The following EPC2 variants were observed in gnomAD, a reference collection of about 807,000 sequenced individuals.
EPC2 encodes enhancer of polycomb 2, also known as enhancer of polycomb homolog 2.
In EPC2, 14 loss-of-function variants were observed where a neutral mutation model predicts 92.1. The ratio of observed to expected loss-of-function variants is 0.15; its 90% CI spans 0.10 to 0.24. The LOEUF (loss-of-function observed/expected upper bound fraction) is 0.24, where lower values mean the gene tolerates loss of function less well. EPC2 is among the 10% of genes least tolerant of loss of function. The pLI is 1.00. For missense variants in EPC2, 755 were observed against 971.5 expected (o/e 0.78, Z 2.96); for synonymous variants, 340 against 334.7 (o/e 1.02, Z -0.17).
chr2:148,652,252 AAAG>A (rs1270418420), intron 1 of EPC2, among the ~76,000 whole-genome samples: 1 of 152,208 alleles, frequency 6.6e-6, no homozygotes, highest in Non-Finnish European at 1.5e-5. Context: ...AGCATGATCA[AAAG>A]TTAGGAAGTT....
At chr2:148,670,607 A>AT (rs1266503769) in intron 1 of EPC2, among the ~76,000 whole-genome samples, 1 of 151,638 alleles carries the variant, frequency 6.6e-6, no homozygotes, top group East Asian at 1.9e-4. Context: ...TTAATTTTTT[A>AT]TTTTTTGAGC....
At chr2:148,675,928 C>T (rs1170060898) in intron 1 of EPC2, among the ~76,000 whole-genome samples, 1 of 152,092 alleles carries the variant, frequency 6.6e-6, no homozygotes, top group Non-Finnish European at 1.5e-5. Flanking sequence ...ATCCTGAAAG[C>T]CAGGAAGTTG....
intron 1 of EPC2, among the ~76,000 whole-genome samples, chr2:148,651,425 A>G (rs982408930): frequency 9.9e-5 from 15 of 152,174 alleles, no homozygotes; most frequent in Admixed American, 2.0e-4. Flanking sequence ...TTCAGCACTA[A>G]AAACCGTTTA....
chr2:148,786,253 C>T, intron 13 of EPC2, 52 bp from the exon 14 acceptor site: 1 of 1,377,970 alleles, frequency 7.3e-7, no homozygotes. Context: ...ATGGTAACGT[C>T]ATGTTCTAGA....
intron 1 of EPC2, among the ~76,000 whole-genome samples, chr2:148,663,136 G>A (rs1465951921): frequency 6.6e-6 from 1 of 150,696 alleles, no homozygotes; most frequent in Non-Finnish European, 1.5e-5. Context: ...GGAGAGAATG[G>A]TAGAGTAGAC....
chr2:148,702,722 CA>C (rs1681914987), intron 2 of EPC2, among the ~76,000 whole-genome samples: 1 of 152,172 alleles, frequency 6.6e-6, no homozygotes, highest in Non-Finnish European at 1.5e-5. Flanking sequence ...TGAATGAAAG[CA>C]ATGAGATGAA....
In EPC2 at chr2:148,710,815, G is replaced by A. The variant is rs554947225; in HGVS notation, c.313+20442G>A. 5.3e-5 allele frequency among the ~76,000 whole-genome samples: 8 copies of A among 152,262 alleles called. 1 individual carries two copies. The East Asian group carries it at 1.5e-3, about 29-fold the overall frequency. On this transcript the variant is annotated intron_variant, in intron 2 of 13. Transcript: ENST00000258484. ...GAACAATGGGAACACTTGGACACAG[G>A]AAGGGGAACATCACACACCGGGGCC...
intron 11 of EPC2, among the ~76,000 whole-genome samples, chr2:148,783,169 C>T (rs555245973): frequency 6.6e-6 from 1 of 152,274 alleles, no homozygotes; most frequent in East Asian, 1.9e-4. Flanking sequence ...ACTTTGTTTG[C>T]TTTTTCTGAG....
intron 2 of EPC2, among the ~76,000 whole-genome samples, chr2:148,698,700 TTTTTTTTTTTTTGAGAAGCTGA>T (rs1404613063): frequency 6.8e-6 from 1 of 147,914 alleles, no homozygotes; most frequent in East Asian, 2.0e-4. Context: ...TAAGCTTTTT[TTTTTTTTTTTTTGAGAAGCTGA>T]TTTTCATGTT....
At chr2:148,785,392 A>G (rs986394982) in intron 13 of EPC2, among the ~76,000 whole-genome samples, 3 of 151,852 alleles carry the variant, frequency 2.0e-5, no homozygotes, top group East Asian at 1.9e-4. Flanking sequence ...CAATGGCGCA[A>G]TCTCAGCTCA....
At chr2:148,668,248 A>G (rs1199437020) in intron 1 of EPC2, among the ~76,000 whole-genome samples, 1 of 152,106 alleles carries the variant, frequency 6.6e-6, no homozygotes, top group Non-Finnish European at 1.5e-5. Context: ...GGTAAGTTAC[A>G]TTTATTTTGA....
chr2:148,735,098 A>T (rs1682725031), intron 2 of EPC2, among the ~76,000 whole-genome samples: 1 of 152,020 alleles, frequency 6.6e-6, no homozygotes. Context: ...TATGAATATA[A>T]TGTTATGAAT....
chr2:148,762,646 T>A, intron 5 of EPC2, 24 bp from the exon 6 acceptor site: 3 of 1,530,356 alleles, frequency 2.0e-6, no homozygotes, highest in South Asian at 1.3e-5. Flanking sequence ...CAATGTTTTC[T>A]TATATTTTTG....
chr2:148,706,740 C>T (rs1435079967), intron 2 of EPC2, among the ~76,000 whole-genome samples: 1 of 152,072 alleles, frequency 6.6e-6, no homozygotes, highest in Non-Finnish European at 1.5e-5. Flanking sequence ...TCATATCCAG[C>T]CAAACTAAGC....
intron 12 of EPC2, 80 bp from the exon 13 acceptor site, chr2:148,784,588 C>A: frequency 9.4e-7 from 1 of 1,061,678 alleles, no homozygotes; most frequent in Non-Finnish European, 1.4e-6. Flanking sequence ...TACAAATGTT[C>A]GTATTTATTT....
At chr2:148,663,520 G>A (rs1401458050) in intron 1 of EPC2, among the ~76,000 whole-genome samples, 1 of 145,052 alleles carries the variant, frequency 6.9e-6, no homozygotes, top group African/African-American at 2.6e-5. Context: ...GCCCAGCCAA[G>A]TTTTTTGTAT....
At position 148,670,516 on chromosome 2, in the gene EPC2, G is replaced by A. The variant is rs1330632843; in HGVS notation, c.154-19698G>A. The stretch of plus-strand genomic sequence containing the variant: ...AAGAAACCTCTTACCCGTTAATATG[G>A]GTTCATTTACAAGATAGGATTTATT... On this transcript the variant is annotated intron_variant, in intron 1 of 13. Transcript: ENST00000258484. Among the ~76,000 whole-genome samples, 3 of 151,924 alleles carry A rather than the reference G, an allele frequency of 2.0e-5. No individual in the cohort carries two copies. The East Asian group carries it at 5.8e-4, about 29-fold the overall frequency.
intron 2 of EPC2, among the ~76,000 whole-genome samples, chr2:148,739,334 C>A (rs1682828823): frequency 1.3e-5 from 2 of 152,118 alleles, no homozygotes; most frequent in South Asian, 4.1e-4. Context: ...TCATTTTATA[C>A]CATGCTTGGT....
chr2:148,660,784 A>G (rs1318111535), intron 1 of EPC2, among the ~76,000 whole-genome samples: 2 of 151,898 alleles, frequency 1.3e-5, no homozygotes, highest in Non-Finnish European at 2.9e-5. Flanking sequence ...TCTCCCTGGT[A>G]TGAGATGCTA....
Sources: gnomAD v4.1 joint callset for allele counts (sites outside exome capture counted in the v4.1 genomes callset) on GRCh38, gnomAD v4.1.1 for gene constraint, MANE v1.5 for transcripts, NCBI Gene and HGNC (gene_info 2026-07-23, HGNC 2026-07-21) for gene names.